The following PPP2R2A variants were observed in gnomAD, a reference collection of about 807,000 sequenced individuals.
The protein encoded by PPP2R2A is protein phosphatase 2 regulatory subunit Balpha.
In PPP2R2A, 9 loss-of-function variants were observed where a neutral mutation model predicts 53.2. That is an observed-to-expected ratio of 0.17 (90% CI 0.10 to 0.30). PPP2R2A has a LOEUF of 0.30. Among genes scored for constraint, PPP2R2A ranks in the 10% least tolerant of loss-of-function variants. The probability of loss-of-function intolerance (pLI) is 1.00; values close to 1 mark genes in which losing one functional copy is unlikely to be tolerated. For missense variants in PPP2R2A, 235 were observed against 534.6 expected (o/e 0.44, Z 5.53); for synonymous variants, 169 against 174.2 (o/e 0.97, Z 0.23).
At chr8:26,325,581 A>G (rs1803048126) in intron 2 of PPP2R2A, among the ~76,000 whole-genome samples, 1 of 152,220 alleles carries the variant, frequency 6.6e-6, no homozygotes, top group Non-Finnish European at 1.5e-5. Flanking sequence ...TATTAGGTGC[A>G]TTCAGCTGCA....
intron 3 of PPP2R2A, chr8:26,339,822 G>C (rs1451049559): frequency 6.6e-6 from 1 of 152,002 alleles, no homozygotes; most frequent in Non-Finnish European, 1.5e-5. Context: ...TCATAACACA[G>C]AGTTAGGTTT....
intron 2 of PPP2R2A, among the ~76,000 whole-genome samples, chr8:26,308,073 G>T (rs1002264479): frequency 2.6e-5 from 4 of 152,248 alleles, no homozygotes; most frequent in African/African-American, 4.8e-5. Context: ...ACATTATGCA[G>T]TAGTCTGTTA....
At chr8:26,334,661 C>T (rs1357872094) in intron 2 of PPP2R2A, among the ~76,000 whole-genome samples, 4 of 151,994 alleles carry the variant, frequency 2.6e-5, no homozygotes, top group African/African-American at 7.3e-5. Context: ...AGGAGAATGG[C>T]GTGAACCCGG....
chr8:26,352,258 G>A (rs953733182), intron 3 of PPP2R2A, among the ~76,000 whole-genome samples: 7 of 152,112 alleles, frequency 4.6e-5, no homozygotes, highest in Admixed American at 2.6e-4. Context: ...TTGAGTATGC[G>A]GTTATGTGTC....
At chr8:26,332,080 A>G (rs1803408657) in intron 2 of PPP2R2A, among the ~76,000 whole-genome samples, 1 of 152,108 alleles carries the variant, frequency 6.6e-6, no homozygotes, top group Non-Finnish European at 1.5e-5. Flanking sequence ...AACAGGCCAG[A>G]CGCAGTGGCT....
At chr8:26,306,997 C>T (rs1802055992) in intron 2 of PPP2R2A, among the ~76,000 whole-genome samples, 1 of 152,158 alleles carries the variant, frequency 6.6e-6, no homozygotes, top group Admixed American at 6.5e-5. Flanking sequence ...TTTAACAGCG[C>T]ATCTTTATCA....
chr8:26,363,140 TC>T (rs1484805236), intron 7 of PPP2R2A: 2 of 205,270 alleles, frequency 9.7e-6, no homozygotes, highest in Non-Finnish European at 1.9e-5. Context: ...GTAGAGCTGT[TC>T]CTTTCTTTCC....
intron 2 of PPP2R2A, among the ~76,000 whole-genome samples, chr8:26,300,806 G>A (rs745659501): frequency 2.0e-5 from 3 of 152,116 alleles, no homozygotes; most frequent in Non-Finnish European, 4.4e-5. Context: ...AGCCGAGATC[G>A]TGCCACTGCA....
At chr8:26,309,813 A>T (rs1423275141) in intron 2 of PPP2R2A, among the ~76,000 whole-genome samples, 1 of 152,164 alleles carries the variant, frequency 6.6e-6, no homozygotes, top group East Asian at 1.9e-4. Flanking sequence ...CATTTTTAAG[A>T]ATTACATTTG....
chr8:26,334,782 T>C (rs184265257), intron 2 of PPP2R2A, among the ~76,000 whole-genome samples: 1 of 152,112 alleles, frequency 6.6e-6, no homozygotes, highest in East Asian at 1.9e-4. Context: ...AAAGTCAGTA[T>C]CCACTCTGTA....
chr8:26,340,911 A>G (rs1330354476), intron 3 of PPP2R2A, among the ~76,000 whole-genome samples: 2 of 152,080 alleles, frequency 1.3e-5, no homozygotes, highest in African/African-American at 4.8e-5. Flanking sequence ...AAAGATAATC[A>G]TTTCCCGTGA....
rs948250405 is a variant in PPP2R2A at position 26,371,379 on chromosome 8, A to C, written c.*966A>C. 1 of 144,116 alleles carries C rather than the reference A, an allele frequency of 6.9e-6. No individual in the cohort carries two copies. The highest frequency in any genetic ancestry group is 2.5e-5 in the African/African-American group (1 of 39,528). The allele number at this position is 144,116 out of a possible 1,614,324, so 8.9% of individuals were successfully genotyped here. A position where few individuals can be genotyped will look rare whatever the true frequency, so the allele number is the denominator to read the frequency against. ...AGTTTTTTTTTTTTTTTTTACCATC[A>C]TGAGGGTATTGGATACATTGTGTCT... On this transcript the variant is annotated 3_prime_UTR_variant, in exon 10 of 10. Transcript: ENST00000380737.
At chr8:26,299,747 C>T (rs1801699502) in intron 2 of PPP2R2A, among the ~76,000 whole-genome samples, 1 of 147,848 alleles carries the variant, frequency 6.8e-6, no homozygotes, top group Non-Finnish European at 1.5e-5. Context: ...GAGACAAGGT[C>T]TTGCTGTGTT....
chr8:26,363,650 T>C (rs1650789076), intron 7 of PPP2R2A, 71 bp from the exon 8 acceptor site: 1 of 1,294,010 alleles, frequency 7.7e-7, no homozygotes, highest in Non-Finnish European at 1.0e-6. Context: ...AATGGTTGTT[T>C]AGGAAATGCT....
intron 2 of PPP2R2A, among the ~76,000 whole-genome samples, chr8:26,296,172 C>G (rs541136180): frequency 1.3e-5 from 2 of 152,348 alleles, no homozygotes; most frequent in South Asian, 4.1e-4. Flanking sequence ...CCTGCTTCTT[C>G]GTCCTGTTTT....
chr8:26,312,684 C>T (rs1468517838), intron 2 of PPP2R2A, among the ~76,000 whole-genome samples: 1 of 152,202 alleles, frequency 6.6e-6, no homozygotes, highest in African/African-American at 2.4e-5. Flanking sequence ...ATTTCAATTT[C>T]AAGTTTGGCT....
chr8:26,310,023 C>T (rs928787688), intron 2 of PPP2R2A, among the ~76,000 whole-genome samples: 1 of 151,454 alleles, frequency 6.6e-6, no homozygotes, highest in Admixed American at 6.6e-5. Flanking sequence ...TGGCTCACCC[C>T]TGTAATCCTA....
rs146235237 is a variant in PPP2R2A, at chr8:26,357,779, T to C, written c.347-2390T>C. 4.2e-3 allele frequency among the ~76,000 whole-genome samples: 643 copies of C among 152,106 alleles called. 6 individuals are homozygous for C. The highest frequency in any genetic ancestry group is 0.014 in the African/African-American group (583 of 41,488). On this transcript the variant is annotated intron_variant, in intron 4 of 9. Coordinates refer to ENST00000380737, the MANE Select transcript of PPP2R2A (RefSeq NM_002717.4). Reference sequence around the variant, plus strand: ...TCTGCTTGTGGTGAGAGGAACTCTGTTCTTCTGCAGTTTCTCCAATGCTTT... The same window carrying C: ...TCTGCTTGTGGTGAGAGGAACTCTGCTCTTCTGCAGTTTCTCCAATGCTTT...
At chr8:26,357,426 G>T (rs2117391721) in intron 4 of PPP2R2A, among the ~76,000 whole-genome samples, 1 of 152,036 alleles carries the variant, frequency 6.6e-6, no homozygotes, top group South Asian at 2.1e-4. Context: ...ATCATTATAT[G>T]AACTGGGTTT....
Sources: gnomAD v4.1 joint callset for allele counts (sites outside exome capture counted in the v4.1 genomes callset) on GRCh38, gnomAD v4.1.1 for gene constraint, MANE v1.5 for transcripts, NCBI Gene and HGNC (gene_info 2026-07-23, HGNC 2026-07-21) for gene names.